Variants in OAS3 observed in about 807,000 individuals in gnomAD.
OAS3 encodes 2'-5'-oligoadenylate synthetase 3.
A neutral mutation model predicts 113.0 loss-of-function variants in OAS3; 107 were observed. The observed-to-expected ratio is 0.95, with a 90% CI of 0.81 to 1.11. The LOEUF is 1.11. OAS3 is among the 50% of genes most tolerant of loss of function. The pLI is 0.00. For synonymous variants in OAS3, 552 were observed against 573.6 expected (o/e 0.96, Z 0.54); for missense variants, 1,258 against 1,389.1 (o/e 0.91, Z 1.50).
At chr12:112,967,277 C>T (rs2043942003) in intron 12 of OAS3, 141 bp from the exon 13 acceptor site, 2 of 707,154 alleles carry the variant, frequency 2.8e-6, no homozygotes, top group Non-Finnish European at 4.7e-6. Flanking sequence ...CACCTAAAAA[C>T]ACCCTGTGGC....
At chr12:112,943,712 A>G (rs1042617970) in intron 2 of OAS3, among the ~76,000 whole-genome samples, 1 of 152,174 alleles carries the variant, frequency 6.6e-6, no homozygotes, top group Non-Finnish European at 1.5e-5. Context: ...ATGCAGTAAA[A>G]AAAATATATA....
intron 11 of OAS3, 37 bp downstream of exon 11, chr12:112,964,445 G>GCAAGCTGGTGATCTCTC: frequency 6.3e-7 from 1 of 1,588,368 alleles, no homozygotes; most frequent in Non-Finnish European, 8.6e-7. Flanking sequence ...GCAGTGTCCT[G>GCAAGCTGGTGATCTCTC]CAAGCTGGTG....
chr12:112,962,193 T>G (rs1220324772), intron 8 of OAS3, among the ~76,000 whole-genome samples: 7 of 152,216 alleles, frequency 4.6e-5, no homozygotes, highest in Non-Finnish European at 1.0e-4. Context: ...CATGCATCCC[T>G]ATATTCAACA....
chr12:112,967,693 G>T (rs1299363756), intron 13 of OAS3, 100 bp downstream of exon 13: 3 of 1,375,888 alleles, frequency 2.2e-6, no homozygotes, highest in Non-Finnish European at 3.0e-6. Context: ...CCAAGATCCT[G>T]GGTTGGTGGA....
At chr12:112,967,635 A>G (rs773722152) in intron 13 of OAS3, 42 bp downstream of exon 13, 1 of 1,587,746 alleles carries the variant, frequency 6.3e-7, no homozygotes, top group East Asian at 2.3e-5. Context: ...TTGCCCTGGG[A>G]TCTGCCTCTG....
chr12:112,968,150 T>G lies in OAS3; in HGVS notation c.3080T>G (p.Leu1027Arg). The G allele has an allele frequency of 6.2e-7, 1 of 1,613,476 alleles. No individual in the cohort carries two copies. The highest frequency in any genetic ancestry group is 8.5e-7 in the Non-Finnish European group (1 of 1,179,596). The change falls in exon 14 of 16, where the codon CTG (leucine) becomes CGG (arginine). Residue 1027 changes from leucine (L) to arginine (R), a missense_variant. Leu to Arg is a moderately radical substitution (Grantham distance 102, BLOSUM62 -2). Coordinates refer to ENST00000228928, the MANE Select transcript of OAS3 (RefSeq NM_006187.4). ...NAKDKTVGDF[L>R]KQQLQKPRPI... ...AAGGACAAGACTGTTGGAGACTTCC[T>G]GAAACAGCAGCTTCAGAAGCCCAGG... is the stretch of plus-strand genomic sequence containing the variant.
chr12:112,961,279 C>A, intron 8 of OAS3, 33 bp downstream of exon 8: 2 of 1,601,450 alleles, frequency 1.2e-6, no homozygotes, highest in Non-Finnish European at 8.5e-7. Context: ...CAGGAAGCCA[C>A]CACTGTCATG....
chr12:112,951,839 C>CAAAAAAAAAAAAAAAAAA (rs3038125), intron 7 of OAS3, among the ~76,000 whole-genome samples: 5 of 105,724 alleles, frequency 4.7e-5, no homozygotes, highest in African/African-American at 3.7e-5. Flanking sequence ...ACTAAAAATA[C>CAAAAAAAAAAAAAAAAAA]AAAAAAAAAA....
intron 7 of OAS3, among the ~76,000 whole-genome samples, chr12:112,955,227 A>G (rs2043822313): frequency 6.6e-6 from 1 of 152,234 alleles, no homozygotes. Context: ...TTGGGCTGAG[A>G]CGATGGGGTT....
rs1013743498 is a variant in OAS3, at chr12:112,967,528, T to C, written c.2800T>C (p.Phe934Leu). The C allele has an allele frequency of 2.7e-5, 44 of 1,613,806 alleles. No individual in the cohort carries two copies. The highest frequency in any genetic ancestry group is 3.6e-5 in the Non-Finnish European group (42 of 1,179,862). The change falls in exon 13 of 16, where the codon TTC becomes CTC. Residue 934 changes from phenylalanine (F) to leucine (L), a missense_variant. Physicochemically the swap from Phe to Leu is conservative, Grantham distance 22. Transcript: ENST00000228928. ...CTGCTTCACAGAGCTACAACGGGAC[T>C]TCATCATCTCTCGCCCTACCAAGCT... Reference protein sequence around the residue: ...STCFTELQRDFIISRPTKLKS... With the variant: ...STCFTELQRDLIISRPTKLKS...
chr12:112,969,343 C>A, intron 14 of OAS3: 1 of 506,758 alleles, frequency 2.0e-6, no homozygotes, highest in Admixed American at 3.2e-5. Context: ...GATTGATTAA[C>A]AATGCCTCCC....
In OAS3 at chr12:112,946,757, G is replaced by A. The variant is rs746560379; in HGVS notation, c.651G>A (p.Gly217=). ...CCCTCTCACAGGTGTGCCTACAGGGGTTGTGGAAGGAGACGCTGCCCCCGG... is the reference window on the plus strand; with the variant it reads ...CCCTCTCACAGGTGTGCCTACAGGGATTGTGGAAGGAGACGCTGCCCCCGG... The part of the protein sequence containing the change: ...KHWYHQVCLQ[G]LWKETLPPVY... The change falls in exon 4 of 16, where the codon GGG becomes GGA. Residue 217 remains glycine, a synonymous_variant. Coordinates refer to ENST00000228928, the MANE Select transcript of OAS3 (RefSeq NM_006187.4). The A allele has an allele frequency of 6.2e-7, 1 of 1,610,536 alleles. No homozygotes were observed. Among genetic ancestry groups the A allele is most frequent in the Non-Finnish European group, 8.5e-7 (1 of 1,178,540 alleles).
chr12:112,938,810 C>A, intron 1 of OAS3, 103 bp downstream of exon 1: 1 of 902,918 alleles, frequency 1.1e-6, no homozygotes. Flanking sequence ...TCCGCTTGTG[C>A]ACCTCATTCA....
In OAS3 at chr12:112,954,473, T is replaced by C. The variant is rs1204376898; in HGVS notation, c.1657+3498T>C. ...ATCTGGCTAATTTTTTTGTATTTTT[T>C]AGTAGAGACAGACAGGGTTTCACCA... On this transcript the variant is annotated intron_variant, in intron 7 of 15. Coordinates refer to ENST00000228928, the MANE Select transcript of OAS3 (RefSeq NM_006187.4). This position sits in a 1 kb window ranked among gnomAD's most constrained non-coding sequence, Gnocchi z 4.0. Among the ~76,000 whole-genome samples the C allele has an allele frequency of 1.3e-5, 2 of 152,162 alleles. No individual in the cohort carries two copies. The highest frequency in any genetic ancestry group is 2.4e-5 in the African/African-American group (1 of 41,428).
rs946698013 is a variant in OAS3, at chr12:112,963,539, C to A, written c.2229+82C>A. The A allele has an allele frequency of 2.6e-5, 34 of 1,329,762 alleles. No individual in the cohort carries two copies. The highest frequency in any genetic ancestry group is 6.7e-5 in the Admixed American group (2 of 29,838). The allele number at this position is 1,329,762 out of a possible 1,614,324, so 82.4% of individuals were successfully genotyped here. A position where few individuals can be genotyped will look rare whatever the true frequency, so the allele number is the denominator to read the frequency against. The stretch of plus-strand genomic sequence containing the variant: ...TCCCTTAACCTGCCGGTGCACCCAT[C>A]CCCAGCTGCTAGGAGTGTTGGTGGC... On this transcript the variant is annotated intron_variant, in intron 10 of 15. Coordinates refer to ENST00000228928, the MANE Select transcript of OAS3 (RefSeq NM_006187.4). The surrounding 1 kb of genome is among the most constrained non-coding windows in gnomAD (Gnocchi z 4.6).
chr12:112,972,922 T>C lies in OAS3; in HGVS notation c.*2949T>C, dbSNP rs1402763230. 1.4e-5 allele frequency: 2 copies of C among 145,358 alleles called. No homozygotes were observed. Among genetic ancestry groups the C allele is most frequent in the Non-Finnish European group, 3.0e-5 (2 of 66,444 alleles). 9.0% of individuals were successfully genotyped at this position (145,358 alleles called of 1,614,324 possible). On this transcript the variant is annotated 3_prime_UTR_variant, in exon 16 of 16. Transcript: ENST00000228928. ...TGTGTGTGTGTGTGTGTTTAATTTT[T>C]AAAAAGTTTTTATTGAGATACAAGT... is the stretch of plus-strand genomic sequence containing the variant.
At chr12:112,942,317 C>T in intron 2 of OAS3, 1 of 248,858 alleles carries the variant, frequency 4.0e-6, no homozygotes, top group South Asian at 8.4e-5. Flanking sequence ...GCCTCTGTGT[C>T]CTCATCTGTA....
At position 112,944,663 on chromosome 12, in the gene OAS3, T is replaced by TGGAA; in HGVS notation, c.636+15_636+18dup. 6.2e-7 allele frequency: 1 copy of TGGAA among 1,613,836 alleles called. No individual in the cohort carries two copies. The highest frequency in any genetic ancestry group is 8.5e-7 in the Non-Finnish European group (1 of 1,179,794). On this transcript the variant is annotated intron_variant, in intron 3 of 15. Coordinates refer to ENST00000228928, the MANE Select transcript of OAS3 (RefSeq NM_006187.4). ...ACTGGTACCACCAGGTGAAGCCACT[T>TGGAA]GGAAGGGTTTCTCCAGACATGTGAC...
intron 7 of OAS3, among the ~76,000 whole-genome samples, chr12:112,952,362 A>G (rs1196975207): frequency 6.6e-6 from 1 of 152,076 alleles, no homozygotes; most frequent in East Asian, 1.9e-4. Flanking sequence ...TTCCTGACGT[A>G]CCCTCTCTAC....
Sources: allele counts gnomAD v4.1 joint callset (sites outside exome capture counted in the v4.1 genomes callset), GRCh38; gene constraint gnomAD v4.1.1; non-coding constraint Gnocchi (gnomAD v3.1); transcripts MANE v1.5; gene names NCBI Gene and HGNC (gene_info 2026-07-23, HGNC 2026-07-21).